The following EYS variants were observed in gnomAD, a reference collection of about 807,000 sequenced individuals.
EYS encodes the protein protein eyes shut homolog.
EYS carries 250 observed loss-of-function variants against 282.1 expected under a neutral mutation model. That is an observed-to-expected ratio of 0.89 (90% CI 0.80 to 0.98). The LOEUF (loss-of-function observed/expected upper bound fraction) is 0.98. EYS is among the 50% of genes least tolerant of loss of function. The pLI is 0.00. For missense variants in EYS, 4,016 were observed against 3,709.0 expected, an observed-to-expected ratio of 1.08 and a Z score of -2.15; for synonymous variants, 1,355 against 1,282.9, an observed-to-expected ratio of 1.06 and a Z score of -1.20.
intron 36 of EYS, among the ~76,000 whole-genome samples, chr6:63,824,892 C>T (rs112373066): frequency 0.013 from 1,920 of 152,236 alleles, 30 homozygotes; most frequent in African/African-American, 0.044. Flanking sequence ...TTGAACCAGG[C>T]GAGAAGCCTC....
chr6:63,999,055 C>G lies in EYS; in HGVS notation c.6834+20G>C, dbSNP rs2149802230. On this transcript the variant is annotated intron_variant, in intron 34 of 42. Coordinates refer to ENST00000503581, the MANE Select transcript of EYS (RefSeq NM_001142800.2). ...CTGAGGGCACAATTAGTGTTTGGAA[C>G]TGGATATTTGCATACCTACCTGAGA... is the stretch of plus-strand genomic sequence containing the variant. 6.9e-7 allele frequency: 1 copy of G among 1,439,612 alleles called. No individual in the cohort carries two copies. The highest frequency in any genetic ancestry group is 9.6e-7 in the Non-Finnish European group (1 of 1,044,680). The allele number at this position is 1,439,612 out of a possible 1,614,324, so 89.2% of individuals were successfully genotyped here. A position where few individuals can be genotyped will look rare whatever the true frequency, so the allele number is the denominator to read the frequency against.
intron 15 of EYS, among the ~76,000 whole-genome samples, chr6:64,913,158 C>T (rs1396017782): frequency 1.3e-5 from 2 of 152,036 alleles, no homozygotes; most frequent in African/African-American, 2.4e-5. Flanking sequence ...CTTGTCATCA[C>T]CAGAGTATAT....
intron 2 of EYS, among the ~76,000 whole-genome samples, chr6:65,526,930 A>G (rs558780236): frequency 1.3e-5 from 2 of 152,220 alleles, no homozygotes; most frequent in Non-Finnish European, 2.9e-5. Context: ...ATAATTCAGT[A>G]TATTTTATAA....
intron 26 of EYS, among the ~76,000 whole-genome samples, chr6:64,532,419 A>T (rs1242963395): frequency 6.6e-6 from 1 of 152,158 alleles, no homozygotes; most frequent in Non-Finnish European, 1.5e-5. Context: ...AAACATTTAA[A>T]ATATTCTAGG....
At chr6:65,536,324 AT>A (rs71864647) in intron 2 of EYS, among the ~76,000 whole-genome samples, 29,072 of 145,654 alleles carry the variant, frequency 0.2, 3,467 homozygotes, top group East Asian at 0.33. Flanking sequence ...AGTAGCAGAG[AT>A]TTTTTTTTTT....
intron 32 of EYS, among the ~76,000 whole-genome samples, chr6:64,068,026 C>G (rs1026485612): frequency 1.3e-5 from 2 of 152,070 alleles, no homozygotes; most frequent in Non-Finnish European, 2.9e-5. Context: ...TTGAATAGCT[C>G]TGTCAGAAAG....
chr6:65,066,604 G>GAAAT (rs1460269671), intron 12 of EYS, among the ~76,000 whole-genome samples: 1 of 152,066 alleles, frequency 6.6e-6, no homozygotes, highest in African/African-American at 2.4e-5. Context: ...TAGATTTATA[G>GAAAT]AAATAATCTT....
At chr6:63,773,472 T>C (rs1367116250) in intron 40 of EYS, among the ~76,000 whole-genome samples, 1 of 152,114 alleles carries the variant, frequency 6.6e-6, no homozygotes, top group Non-Finnish European at 1.5e-5. Flanking sequence ...GAAGGCGGGA[T>C]AGAGTAGTAC....
At chr6:64,300,031 A>G (rs1400358446) in intron 30 of EYS, among the ~76,000 whole-genome samples, 1 of 152,212 alleles carries the variant, frequency 6.6e-6, no homozygotes, top group African/African-American at 2.4e-5. Flanking sequence ...AAATTGGGAA[A>G]AAGACAAGGG....
chr6:64,336,186 A>T (rs1168285090), intron 29 of EYS, among the ~76,000 whole-genome samples: 1 of 152,182 alleles, frequency 6.6e-6, no homozygotes, highest in Non-Finnish European at 1.5e-5. Flanking sequence ...TAAAAGATGC[A>T]GAACTGCAGA....
At chr6:63,977,809 A>C (rs1380530465) in intron 35 of EYS, among the ~76,000 whole-genome samples, 1 of 151,960 alleles carries the variant, frequency 6.6e-6, no homozygotes, top group Admixed American at 6.6e-5. Context: ...TTTCAGTCAA[A>C]TCCCTCCTGT....
At chr6:64,563,747 A>G (rs1288065346) in intron 26 of EYS, among the ~76,000 whole-genome samples, 1 of 152,170 alleles carries the variant, frequency 6.6e-6, no homozygotes, top group South Asian at 2.1e-4. Flanking sequence ...ATATTCATAG[A>G]CTAATCAAAC....
chr6:65,083,644 T>C (rs1774285937), intron 12 of EYS, among the ~76,000 whole-genome samples: 1 of 151,852 alleles, frequency 6.6e-6, no homozygotes, highest in Admixed American at 6.6e-5. Flanking sequence ...CTTTATTTCC[T>C]CCTATTAAGA....
intron 22 of EYS, among the ~76,000 whole-genome samples, chr6:64,797,912 G>A (rs1396897186): frequency 6.6e-6 from 1 of 151,788 alleles, no homozygotes; most frequent in Admixed American, 6.6e-5. Context: ...CAATACCCAT[G>A]AAACACCTGC....
At chr6:64,737,373 A>G (rs574213348) in intron 22 of EYS, among the ~76,000 whole-genome samples, 5 of 152,348 alleles carry the variant, frequency 3.3e-5, no homozygotes, top group Admixed American at 3.3e-4. Context: ...ATGATGTTAT[A>G]TAACGGTCCA....
intron 40 of EYS, among the ~76,000 whole-genome samples, chr6:63,774,899 T>TAA (rs11418361): frequency 0.016 from 2,223 of 141,630 alleles, 16 homozygotes; most frequent in South Asian, 0.025. Flanking sequence ...TTTATTTACC[T>TAA]AAAAAAAAAA....
intron 19 of EYS, among the ~76,000 whole-genome samples, chr6:64,862,173 A>G (rs1238040830): frequency 6.6e-6 from 1 of 152,062 alleles, no homozygotes; most frequent in African/African-American, 2.4e-5. Context: ...TGCAATGCCT[A>G]TTCTTGTTTT....
intron 26 of EYS, among the ~76,000 whole-genome samples, chr6:64,511,807 A>G (rs1045876721): frequency 4.3e-5 from 6 of 140,090 alleles, no homozygotes; most frequent in African/African-American, 1.5e-4. Context: ...TAGCCATTAG[A>G]TACTAAATTT....
intron 31 of EYS, among the ~76,000 whole-genome samples, chr6:64,116,862 TAAG>T (rs1162125487): frequency 3.9e-5 from 6 of 152,180 alleles, no homozygotes; most frequent in African/African-American, 1.4e-4. Flanking sequence ...GTCACTTTAT[TAAG>T]AAGATATGCC....
Sources: gnomAD v4.1 joint callset for allele counts (sites outside exome capture counted in the v4.1 genomes callset) on GRCh38, gnomAD v4.1.1 for gene constraint, MANE v1.5 for transcripts, NCBI Gene and HGNC (gene_info 2026-07-23, HGNC 2026-07-21) for gene names.